CMIP: variants seen among roughly 807,000 people sequenced by gnomAD.
CMIP encodes c-Maf inducing protein.
Under a neutral mutation model 97.3 loss-of-function variants are expected in CMIP, and 13 were observed. The observed-to-expected ratio is 0.13, with a 90% CI of 0.09 to 0.21. The LOEUF (loss-of-function observed/expected upper bound fraction) is 0.21. CMIP is among the 10% of genes least tolerant of loss of function. The pLI, the probability that CMIP is intolerant of heterozygous loss-of-function variation, is 1.00. For missense variants in CMIP, 847 were observed against 1,024.9 expected (o/e 0.83, Z 2.37); for synonymous variants, 538 against 436.3 (o/e 1.23, Z -2.91).
At chr16:81,670,289 T>A in intron 8 of CMIP, 44 bp downstream of exon 8, 1 of 1,557,216 alleles carries the variant, frequency 6.4e-7, no homozygotes, top group Non-Finnish European at 8.7e-7. Context: ...AGGAGCCACT[T>A]TCCTCTCGGA....
intron 10 of CMIP, among the ~76,000 whole-genome samples, chr16:81,682,454 A>G (rs1233748700): frequency 6.6e-6 from 1 of 152,106 alleles, no homozygotes; most frequent in East Asian, 1.9e-4. Flanking sequence ...AATCCCAGCT[A>G]CTTGGGAGGC....
intron 1 of CMIP, among the ~76,000 whole-genome samples, chr16:81,541,201 G>C (rs1209176759): frequency 1.3e-5 from 2 of 151,948 alleles, no homozygotes; most frequent in Non-Finnish European, 2.9e-5. Context: ...CATCCTTCTA[G>C]GGTTTTTTCC....
intron 10 of CMIP, among the ~76,000 whole-genome samples, chr16:81,679,316 T>C (rs912847424): frequency 6.6e-6 from 1 of 152,088 alleles, no homozygotes; most frequent in Admixed American, 6.5e-5. Flanking sequence ...GCACTTGGGC[T>C]AGTTTTGTGC....
At chr16:81,623,285 T>C (rs1366276117) in intron 3 of CMIP, among the ~76,000 whole-genome samples, 1 of 152,256 alleles carries the variant, frequency 6.6e-6, no homozygotes, top group Non-Finnish European at 1.5e-5. Flanking sequence ...ACTGTGTTTC[T>C]AGCAGCTCTC....
At chr16:81,681,887 C>A (rs527411221) in intron 10 of CMIP, among the ~76,000 whole-genome samples, 2 of 152,188 alleles carry the variant, frequency 1.3e-5, no homozygotes, top group East Asian at 3.9e-4. Flanking sequence ...TTGGTGCTGG[C>A]CTAGCCTCTG....
At chr16:81,477,459 C>A in intron 1 of CMIP, among the ~76,000 whole-genome samples, 1 of 152,196 alleles carries the variant, frequency 6.6e-6, no homozygotes, top group East Asian at 1.9e-4. Context: ...CCGCACCTAG[C>A]CTGAATTCTT....
chr16:81,573,975 A>G (rs191317195), intron 1 of CMIP, among the ~76,000 whole-genome samples: 1 of 151,980 alleles, frequency 6.6e-6, no homozygotes, highest in East Asian at 1.9e-4. Flanking sequence ...TTAACACCCA[A>G]GCCTAGGCTT....
At chr16:81,661,051 C>T (rs772457313) in intron 6 of CMIP, 105 bp downstream of exon 6, 62 of 1,388,710 alleles carry the variant, frequency 4.5e-5, no homozygotes, top group Admixed American at 3.0e-4. Flanking sequence ...TGGGCCCCAC[C>T]GTCTTGGGTC....
chr16:81,567,228 G>A (rs987907005), intron 1 of CMIP, among the ~76,000 whole-genome samples: 6 of 152,254 alleles, frequency 3.9e-5, no homozygotes, highest in African/African-American at 7.2e-5. Flanking sequence ...CGGAAACCCC[G>A]CACCACGGGA....
intron 1 of CMIP, among the ~76,000 whole-genome samples, chr16:81,582,977 G>A (rs1310342399): frequency 6.6e-6 from 1 of 152,178 alleles, no homozygotes; most frequent in Non-Finnish European, 1.5e-5. Flanking sequence ...TGCTCCAAGG[G>A]ACAATTGCAT....
At chr16:81,644,900 C>T (rs2092346487) in intron 3 of CMIP, among the ~76,000 whole-genome samples, 1 of 152,172 alleles carries the variant, frequency 6.6e-6, no homozygotes, top group Admixed American at 6.5e-5. Flanking sequence ...AACGCAGTGC[C>T]ACACACATAC....
intron 1 of CMIP, among the ~76,000 whole-genome samples, chr16:81,541,719 T>C (rs1301320755): frequency 6.6e-6 from 1 of 152,120 alleles, no homozygotes; most frequent in Non-Finnish European, 1.5e-5. Flanking sequence ...GTGAGAGAAC[T>C]GTAAAAGAAC....
At chr16:81,680,465 G>A (rs562696310) in intron 10 of CMIP, among the ~76,000 whole-genome samples, 56 of 152,324 alleles carry the variant, frequency 3.7e-4, no homozygotes, top group African/African-American at 1.2e-3. Flanking sequence ...GAAGGAGATC[G>A]TGGAGGCAGC....
At chr16:81,516,010 C>T (rs1278790544) in intron 1 of CMIP, among the ~76,000 whole-genome samples, 1 of 152,222 alleles carries the variant, frequency 6.6e-6, no homozygotes, top group Non-Finnish European at 1.5e-5. Context: ...CCTGCCACCT[C>T]CCCTGTGTCT....
At chr16:81,569,861 T>A (rs1410872148) in intron 1 of CMIP, among the ~76,000 whole-genome samples, 1 of 152,206 alleles carries the variant, frequency 6.6e-6, no homozygotes, top group African/African-American at 2.4e-5. Flanking sequence ...GGTGGTTGAT[T>A]GTGAGGATTA....
intron 5 of CMIP, among the ~76,000 whole-genome samples, chr16:81,658,116 G>A (rs182837855): frequency 2.7e-4 from 41 of 152,282 alleles, no homozygotes; most frequent in Admixed American, 5.2e-4. Flanking sequence ...GGCAGAGCCC[G>A]TATAATTTAT....
chr16:81,664,046 G>A (rs1040246027), intron 6 of CMIP, among the ~76,000 whole-genome samples: 2 of 152,126 alleles, frequency 1.3e-5, no homozygotes, highest in African/African-American at 4.8e-5. Context: ...CCGGGGGCAG[G>A]GGGTATCTGG....
In CMIP at chr16:81,711,553, G is replaced by C. The variant is rs1597288835; in HGVS notation, c.*1754G>C. On this transcript the variant is annotated 3_prime_UTR_variant, in exon 21 of 21. Transcript: ENST00000537098. The stretch of plus-strand genomic sequence containing the variant: ...CCCATACTTCACAGCACTCTGGTGC[G>C]GGAAGAAGCAGAAGCAAAAAAAATA... 6.8e-6 allele frequency: 1 copy of C among 146,648 alleles called. No individual in the cohort carries two copies. The highest frequency in any genetic ancestry group is 6.9e-5 in the Admixed American group (1 of 14,474). 9.1% of individuals were successfully genotyped at this position (146,648 alleles called of 1,614,324 possible).
In CMIP at chr16:81,672,017, G is replaced by C. The variant is rs1354563779; in HGVS notation, c.981G>C (p.Leu327=). ...CCCACCCCCGGGTCCTGCCCAACCT[G>C]GTGGCCGTGTGCCTGGCTGCCATCT... The part of the protein sequence containing the change: ...HCPHPRVLPN[L]VAVCLAAIYS... Residue 327 remains leucine, a synonymous_variant, in exon 9 of 21, where the codon CTG becomes CTC. Transcript: ENST00000537098. The C allele has an allele frequency of 3.1e-6, 5 of 1,606,404 alleles. No homozygotes were observed. In the African/African-American group the frequency reaches 4.0e-5, roughly 13 times the overall value.
Sources: gnomAD v4.1 joint callset for allele counts (sites outside exome capture counted in the v4.1 genomes callset) on GRCh38, gnomAD v4.1.1 for gene constraint, MANE v1.5 for transcripts, NCBI Gene and HGNC (gene_info 2026-07-23, HGNC 2026-07-21) for gene names.